Variants in SLC35D2 observed in about 807,000 individuals in gnomAD.
The protein encoded by SLC35D2 is solute carrier family 35 member D2.
A neutral mutation model predicts 41.8 loss-of-function variants in SLC35D2; 43 were observed. The observed-to-expected ratio is 1.03, with a 90% CI of 0.81 to 1.33. The LOEUF is 1.33. Ranked by LOEUF, SLC35D2 falls within the 40% of genes most tolerant of loss-of-function variation. The pLI, the probability that SLC35D2 is intolerant of heterozygous loss-of-function variation, is 0.00. For missense variants in SLC35D2, 380 were observed against 408.4 expected (o/e 0.93, Z 0.60); for synonymous variants, 150 against 163.9 (o/e 0.92, Z 0.65).
intron 9 of SLC35D2, among the ~76,000 whole-genome samples, chr9:96,325,449 G>A (rs1256102609): frequency 6.6e-6 from 1 of 152,240 alleles, no homozygotes; most frequent in Admixed American, 6.5e-5. Context: ...TTAGGAGGCA[G>A]AGGTGGGTGA....
intron 2 of SLC35D2, among the ~76,000 whole-genome samples, chr9:96,367,868 C>G (rs1830538200): frequency 6.6e-6 from 1 of 151,864 alleles, no homozygotes; most frequent in South Asian, 2.1e-4. Flanking sequence ...CCCCATCTCT[C>G]AACTCTTTTC....
rs371411869 is a variant in SLC35D2 at position 96,342,034 on chromosome 9, A to C, written c.684+1870T>G. Among the ~76,000 whole-genome samples, 407 of 151,450 alleles carry C rather than the reference A, an allele frequency of 2.7e-3. 1 individual carries two copies. The highest frequency in any genetic ancestry group is 8.6e-3 in the African/African-American group (356 of 41,410). On this transcript the variant is annotated intron_variant, in intron 8 of 11. Coordinates refer to ENST00000253270, the MANE Select transcript of SLC35D2 (RefSeq NM_007001.3). ...CAAAACAAAACAAAAACAAAAAAAA[A>C]CCCTCGTTTCTATAATAATGAAAGG...
exon 12 of SLC35D2, among the ~76,000 whole-genome samples, chr9:96,313,657 C>T (rs533271753): frequency 6.6e-6 from 1 of 152,324 alleles, no homozygotes; most frequent in South Asian, 2.1e-4. Flanking sequence ...AGACACTCCT[C>T]TTTGGCATGA....
At chr9:96,378,053 A>C (rs1831029233) in intron 1 of SLC35D2, among the ~76,000 whole-genome samples, 1 of 151,916 alleles carries the variant, frequency 6.6e-6, no homozygotes, top group Non-Finnish European at 1.5e-5. Context: ...ACAGAATTCC[A>C]GTTCCCACCA....
chr9:96,383,403 C>T, intron 1 of SLC35D2, 74 bp downstream of exon 1: 1 of 1,271,996 alleles, frequency 7.9e-7, no homozygotes, highest in Non-Finnish European at 1.1e-6. Flanking sequence ...CTGTCCCGGG[C>T]GCCGCTGAAG....
chr9:96,336,655 C>T, intron 9 of SLC35D2, 62 bp downstream of exon 9: 1 of 990,590 alleles, frequency 1.0e-6, no homozygotes, highest in Non-Finnish European at 1.6e-6. Flanking sequence ...GAAGGCATAT[C>T]TTGATTTGAC....
intron 6 of SLC35D2, among the ~76,000 whole-genome samples, chr9:96,348,409 A>G (rs1286695831): frequency 6.6e-6 from 1 of 152,154 alleles, no homozygotes; most frequent in Non-Finnish European, 1.5e-5. Flanking sequence ...GAACACATGG[A>G]GCAGAGCCCT....
intron 1 of SLC35D2, among the ~76,000 whole-genome samples, chr9:96,382,466 T>TACACACACACACAC (rs35402465): frequency 1.5e-5 from 2 of 133,040 alleles, no homozygotes; most frequent in African/African-American, 3.0e-5. Flanking sequence ...AAAAATATTA[T>TACACACACACACAC]ACACACACAC....
At chr9:96,360,084 A>G (rs1830197081) in intron 4 of SLC35D2, 70 bp downstream of exon 4, 4 of 1,138,988 alleles carry the variant, frequency 3.5e-6, no homozygotes, top group Admixed American at 2.0e-5. Context: ...GCAAAAATCA[A>G]TCTTGGTCTT....
At chr9:96,340,619 CAAAAAAAAA>C (rs57501812) in intron 8 of SLC35D2, among the ~76,000 whole-genome samples, 20 of 35,370 alleles carry the variant, frequency 5.7e-4, no homozygotes, top group Admixed American at 1.7e-3. Flanking sequence ...GACTCCATCT[CAAAAAAAAA>C]AAAAAAAAAA....
chr9:96,341,515 C>T (rs1056663718), intron 8 of SLC35D2, among the ~76,000 whole-genome samples: 2 of 152,152 alleles, frequency 1.3e-5, no homozygotes, highest in African/African-American at 4.8e-5. Context: ...GATGCTTTGC[C>T]TATACGATAG....
At chr9:96,371,937 G>A (rs993557794) in intron 1 of SLC35D2, among the ~76,000 whole-genome samples, 8 of 151,340 alleles carry the variant, frequency 5.3e-5, no homozygotes, top group Non-Finnish European at 8.8e-5. Flanking sequence ...CGTTTTAGCC[G>A]GGATGGTCTC....
chr9:96,330,341 G>A (rs1355429296), intron 9 of SLC35D2, among the ~76,000 whole-genome samples: 1 of 152,116 alleles, frequency 6.6e-6, no homozygotes, highest in Non-Finnish European at 1.5e-5. Context: ...CTAAAATAAA[G>A]CTTCACTGGG....
chr9:96,331,511 C>G (rs763895805), intron 9 of SLC35D2, among the ~76,000 whole-genome samples: 26 of 151,168 alleles, frequency 1.7e-4, no homozygotes, highest in Middle Eastern at 3.4e-3. Context: ...TTTTTTCTTT[C>G]CCTCTGCCCC....
rs770121447 is a variant in SLC35D2, at chr9:96,360,185, T to C, written c.316A>G (p.Ile106Val). ...TTACTTGTGCTTGATAATCCACTTA[T>C]GTGGTTTCCAACGTAGAGGAGAGGC... ...PLPLLYVGNH[I>V]SGLSSTSKLS... The change falls in exon 4 of 12, where the codon ATA (isoleucine) becomes GTA (valine). Residue 106 changes from isoleucine to valine, a missense_variant. Coordinates refer to ENST00000253270, the MANE Select transcript of SLC35D2 (RefSeq NM_007001.3). The C allele has an allele frequency of 4.3e-6, 7 of 1,613,122 alleles. No homozygotes were observed. Among genetic ancestry groups the C allele is most frequent in the Admixed American group, 3.3e-5 (2 of 59,936 alleles).
chr9:96,354,157 G>T (rs762800823), intron 4 of SLC35D2, among the ~76,000 whole-genome samples: 3 of 152,178 alleles, frequency 2.0e-5, no homozygotes, highest in African/African-American at 7.2e-5. Flanking sequence ...AGCAAATAAG[G>T]TATACTTAAT....
Position 96,353,584 on chromosome 9 carries a change from G to A in SLC35D2, c.348-1475C>T, listed in dbSNP as rs180800638. Among the ~76,000 whole-genome samples, 858 of 152,256 alleles carry A rather than the reference G, an allele frequency of 5.6e-3. 8 individuals carry two copies. The highest frequency in any genetic ancestry group is 0.019 in the African/African-American group (779 of 41,534). ...TGGTCTCGAACTCCTGATCTCAGGC[G>A]ATCCACCTGCCTCAGCCTCCCAAAG... On this transcript the variant is annotated intron_variant, in intron 4 of 11. Coordinates refer to ENST00000253270, the MANE Select transcript of SLC35D2 (RefSeq NM_007001.3).
chr9:96,362,531 T>C (rs1156671844), intron 3 of SLC35D2, among the ~76,000 whole-genome samples: 1 of 151,792 alleles, frequency 6.6e-6, no homozygotes, highest in Non-Finnish European at 1.5e-5. Context: ...AAAAAGAATT[T>C]AGGGATGCAT....
intron 9 of SLC35D2, among the ~76,000 whole-genome samples, chr9:96,329,914 G>T (rs1441053969): frequency 6.6e-6 from 1 of 152,188 alleles, no homozygotes; most frequent in Non-Finnish European, 1.5e-5. Flanking sequence ...TTTATCAGGG[G>T]AATTGGCTCC....
Sources: allele counts gnomAD v4.1 joint callset (sites outside exome capture counted in the v4.1 genomes callset), GRCh38; gene constraint gnomAD v4.1.1; transcripts MANE v1.5; gene names NCBI Gene and HGNC (gene_info 2026-07-23, HGNC 2026-07-21).